Variants in TRIM9 observed in about 807,000 individuals in gnomAD.
TRIM9 encodes the protein tripartite motif containing 9.
A neutral mutation model predicts 78.3 loss-of-function variants in TRIM9; 26 were observed. That is an observed-to-expected ratio of 0.33 (90% CI 0.24 to 0.46). The LOEUF is 0.46. Ranked by LOEUF, TRIM9 falls within the 20% of genes least tolerant of loss-of-function variation. TRIM9 has a pLI of 1.00. For synonymous variants in TRIM9, 398 were observed against 416.5 expected (o/e 0.96, Z 0.54); for missense variants, 787 against 1,036.4 (o/e 0.76, Z 3.30).
At chr14:51,007,505 A>G (rs1415210180) in intron 5 of TRIM9, among the ~76,000 whole-genome samples, 1 of 152,244 alleles carries the variant, frequency 6.6e-6, no homozygotes, top group Non-Finnish European at 1.5e-5. Flanking sequence ...TAGAAGTTGT[A>G]GGAGTTGGTT....
chr14:50,995,838 G>C (rs1377906158), intron 7 of TRIM9, among the ~76,000 whole-genome samples: 5 of 152,030 alleles, frequency 3.3e-5, no homozygotes, highest in African/African-American at 1.2e-4. Flanking sequence ...TAAAGCATAA[G>C]TGCAGTGAAT....
intron 1 of TRIM9, among the ~76,000 whole-genome samples, chr14:51,033,681 CCT>C (rs1408575855): frequency 6.6e-6 from 1 of 152,198 alleles, no homozygotes; most frequent in Non-Finnish European, 1.5e-5. Context: ...TTTTGCTCTT[CCT>C]CTTTGTCACA....
rs554937647 is a variant in TRIM9 at position 51,029,784 on chromosome 14, A to G, written c.823-4424T>C. 2.6e-5 allele frequency among the ~76,000 whole-genome samples: 4 copies of G among 152,260 alleles called. No individual in the cohort carries two copies. In the South Asian group the frequency reaches 8.3e-4, roughly 32 times the overall value. On this transcript the variant is annotated intron_variant, in intron 1 of 12. Coordinates refer to ENST00000684578, the MANE Select transcript of TRIM9 (RefSeq NM_001387360.1). The stretch of plus-strand genomic sequence containing the variant: ...GTGCCGAGAGGATACCCCTGAGTGA[A>G]GGTTTCACCACTCACATACGGAACA...
At chr14:51,053,580 C>CTTTTTTTTTTTTTTTTATTTTTTTT in intron 1 of TRIM9, among the ~76,000 whole-genome samples, 1 of 74,810 alleles carries the variant, frequency 1.3e-5, no homozygotes, top group South Asian at 4.2e-4. Context: ...TTTTAATTTT[C>CTTTTTTTTTTTTTTTTATTTTTTTT]TTTTTTTTTT....
At chr14:51,009,963 T>C (rs1426319722) in intron 4 of TRIM9, among the ~76,000 whole-genome samples, 2 of 152,104 alleles carry the variant, frequency 1.3e-5, no homozygotes, top group Non-Finnish European at 2.9e-5. Flanking sequence ...GCAGAAGGTG[T>C]CAAGAAGGTA....
intron 1 of TRIM9, among the ~76,000 whole-genome samples, chr14:51,085,736 T>C (rs1177217160): frequency 6.6e-6 from 1 of 152,260 alleles, no homozygotes; most frequent in East Asian, 1.9e-4. Context: ...CTTATTAGTT[T>C]ATGGTTTTTT....
intron 1 of TRIM9, among the ~76,000 whole-genome samples, chr14:51,030,743 G>T (rs1312606493): frequency 6.6e-6 from 1 of 151,980 alleles, no homozygotes; most frequent in Non-Finnish European, 1.5e-5. Context: ...AGTATGGGGA[G>T]GCTCTTGGCT....
chr14:51,087,051 G>C (rs1020037477), intron 1 of TRIM9, among the ~76,000 whole-genome samples: 1 of 152,162 alleles, frequency 6.6e-6, no homozygotes, highest in Admixed American at 6.5e-5. Context: ...TGGTGCAGGT[G>C]TAACTCTGGT....
At position 50,982,590 on chromosome 14, in the gene TRIM9, TCGG is replaced by T. The variant is rs879297940; in HGVS notation, c.1858+349_1858+351del. The T allele has an allele frequency of 6.7e-3, 2,252 of 338,144 alleles. 10 individuals are homozygous for T. The highest frequency in any genetic ancestry group is 9.4e-3 in the Non-Finnish European group (1,704 of 181,978). 20.9% of individuals were successfully genotyped at this position (338,144 alleles called of 1,614,324 possible). A position where few individuals can be genotyped will look rare whatever the true frequency, so the allele number is the denominator to read the frequency against. Reference sequence around the variant, plus strand: ...ACATCTAGTCGCTTTGAAGTCTTCCTCGGCTCTAGTGAAAGCTCACAAGCTGCG... The same window carrying T: ...ACATCTAGTCGCTTTGAAGTCTTCCTCTCTAGTGAAAGCTCACAAGCTGCG... On this transcript the variant is annotated intron_variant, in intron 10 of 12. Coordinates refer to ENST00000684578, the MANE Select transcript of TRIM9 (RefSeq NM_001387360.1).
chr14:51,085,218 A>T (rs1259287003), intron 1 of TRIM9, among the ~76,000 whole-genome samples: 4 of 152,218 alleles, frequency 2.6e-5, no homozygotes, highest in African/African-American at 9.6e-5. Flanking sequence ...AAACTGACTG[A>T]TGCTACCCAG....
chr14:50,991,092 C>G (rs976729181), intron 7 of TRIM9, among the ~76,000 whole-genome samples: 1 of 152,198 alleles, frequency 6.6e-6, no homozygotes, highest in Non-Finnish European at 1.5e-5. Context: ...ACCCCAAGGA[C>G]AGATGCATAC....
rs373061701 is a variant in TRIM9 at position 50,998,050 on chromosome 14, C to T, written c.1603G>A (p.Asp535Asn). ...GAGGGATACTGCTGAAGGGCCTTACCCTCAGACGTTTGGAGGACCAGGGTC... is the reference window on the plus strand; with the variant it reads ...GAGGGATACTGCTGAAGGGCCTTACTCTCAGACGTTTGGAGGACCAGGGTC... ...SKTLVLQTSE[D>N]TDSEEQTLPF... Residue 535 changes from aspartate (D) to asparagine (N), a missense_variant and splice_region_variant, in exon 7 of 13, where the codon GAC (aspartate) becomes AAC (asparagine). By Grantham distance (23) the Asp-to-Asn change is conservative. Coordinates refer to ENST00000684578, the MANE Select transcript of TRIM9 (RefSeq NM_001387360.1). 12 of 1,614,036 alleles carry T rather than the reference C, an allele frequency of 7.4e-6. No individual in the cohort carries two copies. The highest frequency in any genetic ancestry group is 1.0e-5 in the Non-Finnish European group (12 of 1,180,030).
chr14:51,069,736 T>G (rs2062049109), intron 1 of TRIM9, among the ~76,000 whole-genome samples: 1 of 152,238 alleles, frequency 6.6e-6, no homozygotes, highest in Non-Finnish European at 1.5e-5. Context: ...AAGGCTACAC[T>G]GGACTATAAC....
chr14:50,984,139 C>A (rs1353346428), intron 8 of TRIM9, among the ~76,000 whole-genome samples: 3 of 152,104 alleles, frequency 2.0e-5, no homozygotes, highest in African/African-American at 7.2e-5. Flanking sequence ...AGGAAGACTG[C>A]CTAGTCTTAA....
intron 1 of TRIM9, among the ~76,000 whole-genome samples, chr14:51,037,811 C>T (rs1010165987): frequency 5.9e-5 from 9 of 151,970 alleles, no homozygotes; most frequent in Non-Finnish European, 1.3e-4. Flanking sequence ...CAACCAGCGG[C>T]GTTACCATCT....
intron 1 of TRIM9, among the ~76,000 whole-genome samples, chr14:51,053,821 G>A (rs1022520419): frequency 6.6e-6 from 1 of 151,110 alleles, no homozygotes; most frequent in Non-Finnish European, 1.5e-5. Flanking sequence ...TTGCAGAACA[G>A]GTATTCTTAT....
At chr14:50,997,395 C>T (rs2054354331) in intron 7 of TRIM9, 1 of 985,296 alleles carries the variant, frequency 1.0e-6, no homozygotes, top group Non-Finnish European at 1.2e-6. Context: ...AAGGGACTGG[C>T]AAAGATGAAA....
intron 1 of TRIM9, among the ~76,000 whole-genome samples, chr14:51,091,683 T>C (rs942503955): frequency 1.3e-5 from 2 of 152,234 alleles, no homozygotes; most frequent in African/African-American, 4.8e-5. Flanking sequence ...ATTTTTTTTC[T>C]TGGCAGTTTA....
At chr14:50,998,223 C>T in intron 6 of TRIM9, 35 bp from the exon 7 acceptor site, 1 of 1,604,684 alleles carries the variant, frequency 6.2e-7, no homozygotes, top group Non-Finnish European at 8.5e-7. Context: ...AGCACTTAGC[C>T]TGCCCCCTTC....
Sources: allele counts gnomAD v4.1 joint callset (sites outside exome capture counted in the v4.1 genomes callset), GRCh38; gene constraint gnomAD v4.1.1; transcripts MANE v1.5; gene names NCBI Gene and HGNC (gene_info 2026-07-23, HGNC 2026-07-21).